Variants in DYRK2 observed in about 807,000 individuals in gnomAD.
DYRK2 encodes the protein dual specificity tyrosine phosphorylation regulated kinase 2.
DYRK2 carries 12 observed loss-of-function variants against 41.6 expected under a neutral mutation model. The observed-to-expected ratio is 0.29, with a 90% CI of 0.18 to 0.47. The LOEUF (loss-of-function observed/expected upper bound fraction) is 0.47, where lower values mean the gene tolerates loss of function less well. Among genes scored for constraint, DYRK2 ranks in the 20% least tolerant of loss-of-function variants. The pLI is 1.00. For missense variants in DYRK2, 678 were observed against 798.4 expected (o/e 0.85, Z 1.82); for synonymous variants, 322 against 315.7 (o/e 1.02, Z -0.21).
At chr12:67,652,244 TTGTG>T (rs981022810) in intron 2 of DYRK2, among the ~76,000 whole-genome samples, 28 of 152,122 alleles carry the variant, frequency 1.8e-4, no homozygotes, top group African/African-American at 6.5e-4. Context: ...TTATTTCTGT[TTGTG>T]TGAGAGAGAG....
In DYRK2 at chr12:67,664,019, CTTT is replaced by C. The variant is rs58402903; in HGVS notation, c.*5313_*5315del. 83,415 of 151,334 alleles carry C rather than the reference CTTT, an allele frequency of 0.55. 23,637 individuals are homozygous for C. Among genetic ancestry groups the C allele is most frequent in the East Asian group, 0.63 (3,256 of 5,140 alleles). 9.4% of individuals were successfully genotyped at this position (151,334 alleles called of 1,614,324 possible). A position where few individuals can be genotyped will look rare whatever the true frequency, so the allele number is the denominator to read the frequency against. On this transcript the variant is annotated 3_prime_UTR_variant, in exon 3 of 3. Transcript: ENST00000344096. ...ATTTGAGGAAGGTATATGTGGCTTT[CTTT>C]TTTTTTCTTAAGTTTGAATTACACT...
At chr12:67,654,417 G>A (rs1872408131) in intron 2 of DYRK2, among the ~76,000 whole-genome samples, 1 of 152,212 alleles carries the variant, frequency 6.6e-6, no homozygotes, top group Non-Finnish European at 1.5e-5. Context: ...GTCTCAGGTT[G>A]AGACTTTTAA....
chr12:67,654,191 C>T (rs1441337609), intron 2 of DYRK2, among the ~76,000 whole-genome samples: 1 of 152,190 alleles, frequency 6.6e-6, no homozygotes, highest in Non-Finnish European at 1.5e-5. Context: ...CCTGACCTCA[C>T]TAAAAGCAGA....
intron 2 of DYRK2, among the ~76,000 whole-genome samples, chr12:67,654,967 C>T (rs1872424456): frequency 2.6e-5 from 4 of 152,072 alleles, no homozygotes; most frequent in Admixed American, 2.6e-4. Context: ...AGATTTGAAC[C>T]CTGGGGAACT....
intron 1 of DYRK2, 196 bp from the exon 2 acceptor site, chr12:67,649,601 C>A: frequency 1.6e-6 from 1 of 630,486 alleles, no homozygotes. Flanking sequence ...CCCCACTTAA[C>A]TTTGCAGCTG....
At chr12:67,651,532 A>C (rs550928958) in intron 2 of DYRK2, 3 of 452,326 alleles carry the variant, frequency 6.6e-6, no homozygotes, top group East Asian at 7.0e-5. Context: ...GAAGGATGCG[A>C]ATGTGCTTCT....
intron 1 of DYRK2, chr12:67,649,560 C>G: frequency 2.3e-6 from 1 of 435,494 alleles, no homozygotes; most frequent in Non-Finnish European, 3.7e-6. Context: ...GGCCCGGCTC[C>G]CCCGCCGGGT....
intron 2 of DYRK2, among the ~76,000 whole-genome samples, chr12:67,655,731 A>G (rs971875033): frequency 6.6e-6 from 1 of 152,252 alleles, no homozygotes; most frequent in African/African-American, 2.4e-5. Flanking sequence ...TGTATCCAAT[A>G]AAGAAAATGT....
chr12:67,649,952 C>T lies in DYRK2; in HGVS notation c.198+7C>T, dbSNP rs1255625534. 4.4e-6 allele frequency: 6 copies of T among 1,348,904 alleles called. No individual in the cohort carries two copies. In the East Asian group the frequency reaches 1.6e-4, roughly 35 times the overall value. The allele number at this position is 1,348,904 out of a possible 1,614,324, so 83.6% of individuals were successfully genotyped here. A position where few individuals can be genotyped will look rare whatever the true frequency, so the allele number is the denominator to read the frequency against. On this transcript the variant is annotated splice_region_variant and intron_variant, in intron 2 of 2. Transcript: ENST00000344096. ...TGCCGCCGCAGCCCACACGGTGAGA[C>T]CCAGCCCGCGGGCGGCCCGGGCGGT...
At chr12:67,654,517 C>G (rs1218930057) in intron 2 of DYRK2, among the ~76,000 whole-genome samples, 1 of 152,038 alleles carries the variant, frequency 6.6e-6, no homozygotes, top group African/African-American at 2.4e-5. Context: ...CTCAGTTGTC[C>G]CAGTGAAAGA....
rs937245875 is a variant in DYRK2 at position 67,660,709 on chromosome 12, A to G, written c.*1996A>G. The G allele has an allele frequency of 1.8e-5, 3 of 167,184 alleles. No individual in the cohort carries two copies. The highest frequency in any genetic ancestry group is 7.2e-5 in the African/African-American group (3 of 41,582). The allele number at this position is 167,184 out of a possible 1,614,324, so 10.4% of individuals were successfully genotyped here. A position where few individuals can be genotyped will look rare whatever the true frequency, so the allele number is the denominator to read the frequency against. On this transcript the variant is annotated 3_prime_UTR_variant, in exon 3 of 3. Transcript: ENST00000344096. ...GCTTATAGAATTTAAAGATCTGTAT[A>G]TTAGATTTTGGCTTAAAGGCATGAG...
At chr12:67,656,938 C>A (rs1872486402) in intron 2 of DYRK2, among the ~76,000 whole-genome samples, 168 bp from the exon 3 acceptor site, 1 of 152,038 alleles carries the variant, frequency 6.6e-6, no homozygotes, top group Non-Finnish European at 1.5e-5. Context: ...TTAGGCATGG[C>A]ATTTATGAGG....
chr12:67,664,264 T>A lies in DYRK2; in HGVS notation c.*5551T>A, dbSNP rs1476660409. 1 of 152,116 alleles carries A rather than the reference T, an allele frequency of 6.6e-6. No homozygotes were observed. The highest frequency in any genetic ancestry group is 6.6e-5 in the Admixed American group (1 of 15,256). The allele number at this position is 152,116 out of a possible 1,614,324, so 9.4% of individuals were successfully genotyped here. The stretch of plus-strand genomic sequence containing the variant: ...CTGCGGTACATTTCATATATATATA[T>A]GGGGTGGGAGCATAATTGCCATTCC... On this transcript the variant is annotated 3_prime_UTR_variant, in exon 3 of 3. Coordinates refer to ENST00000344096, the MANE Select transcript of DYRK2 (RefSeq NM_006482.3).
intron 1 of DYRK2, 199 bp from the exon 2 acceptor site, chr12:67,649,598 T>G: frequency 1.7e-6 from 1 of 604,978 alleles, no homozygotes; most frequent in Non-Finnish European, 2.4e-6. Context: ...GGGCCCCACT[T>G]AACTTTGCAG....
In DYRK2 at chr12:67,648,977, C is replaced by T. The variant is rs1872216567; in HGVS notation, c.-157C>T. ...GCCCCGGCCGAGGGGATGCAGTGGA[C>T]TGTGTGTGTCTGGCTGTAGCAGACG... is the stretch of plus-strand genomic sequence containing the variant. On this transcript the variant is annotated 5_prime_UTR_variant, in exon 1 of 3. Transcript: ENST00000344096. 2.0e-6 allele frequency: 1 copy of T among 502,400 alleles called. No homozygotes were observed. The highest frequency in any genetic ancestry group is 3.3e-6 in the Non-Finnish European group (1 of 306,240). The allele number at this position is 502,400 out of a possible 1,614,324, so 31.1% of individuals were successfully genotyped here. A position where few individuals can be genotyped will look rare whatever the true frequency, so the allele number is the denominator to read the frequency against.
chr12:67,657,519 T>C lies in DYRK2; in HGVS notation c.612T>C (p.Asp204=). 1 of 1,614,030 alleles carries C rather than the reference T, an allele frequency of 6.2e-7. No homozygotes were observed. The highest frequency in any genetic ancestry group is 8.5e-7 in the Non-Finnish European group (1 of 1,179,952). ...MTGGPNNGGY[D]DDQGSYVQVP... Reference sequence around the variant, plus strand: ...GTGGGCCCAACAATGGTGGCTATGATGATGACCAGGGATCATATGTGCAGG... The same window carrying C: ...GTGGGCCCAACAATGGTGGCTATGACGATGACCAGGGATCATATGTGCAGG... Residue 204 remains aspartate (D), a synonymous_variant, in exon 3 of 3, where the codon GAT becomes GAC. Coordinates refer to ENST00000344096, the MANE Select transcript of DYRK2 (RefSeq NM_006482.3). This position sits in a 1 kb window ranked among gnomAD's most constrained non-coding sequence, Gnocchi z 4.8.
At position 67,657,424 on chromosome 12, in the gene DYRK2, C is replaced by T; in HGVS notation, c.517C>T (p.His173Tyr). The T allele has an allele frequency of 6.2e-7, 1 of 1,614,148 alleles. No homozygotes were observed. The highest frequency in any genetic ancestry group is 8.5e-7 in the Non-Finnish European group (1 of 1,180,026). Residue 173 changes from histidine to tyrosine, a missense_variant, in exon 3 of 3, where the codon CAT (histidine) becomes TAT (tyrosine). By Grantham distance (83) the His-to-Tyr change is moderately conservative. Coordinates refer to ENST00000344096, the MANE Select transcript of DYRK2 (RefSeq NM_006482.3). The surrounding 1 kb of genome is among the most constrained non-coding windows in gnomAD (Gnocchi z 4.8). ...YMQKLTAFEHHEIFSYPEIYF... is the reference protein window; with the variant it reads ...YMQKLTAFEHYEIFSYPEIYF... The stretch of plus-strand genomic sequence containing the variant: ...GCAAAAACTCACAGCCTTCGAACAC[C>T]ATGAGATTTTCAGCTACCCTGAAAT...
At position 67,657,940 on chromosome 12, in the gene DYRK2, A is replaced by AT; in HGVS notation, c.1035dup (p.His346SerfsTer3). The AT allele has an allele frequency of 6.2e-7, 1 of 1,614,238 alleles. No homozygotes were observed. Among genetic ancestry groups the AT allele is most frequent in the Non-Finnish European group, 8.5e-7 (1 of 1,180,050 alleles). On this transcript the variant is annotated frameshift_variant, in exon 3 of 3. Coordinates refer to ENST00000344096, the MANE Select transcript of DYRK2 (RefSeq NM_006482.3). LOFTEE classifies it high-confidence loss of function. The surrounding 1 kb of genome is among the most constrained non-coding windows in gnomAD (Gnocchi z 4.8). ...GGATGCTTTGCACAAAAACAGAATA[A>AT]TTCACTGTGACCTTAAGCCCGAGAA... is the stretch of plus-strand genomic sequence containing the variant.
rs1365732075 is a variant in DYRK2, at chr12:67,658,415, GTGA to G, written c.1513_1515del (p.Asp505del). The G allele has an allele frequency of 6.3e-7, 1 of 1,595,218 alleles. No individual in the cohort carries two copies. Among genetic ancestry groups the G allele is most frequent in the Non-Finnish European group, 8.5e-7 (1 of 1,171,196 alleles). ...GAGTGGGGGAACGCGCTGAAGGGGT[GTGA>G]TGATCCCCTTTTCCTTGACTTCTTA... On this transcript the variant is annotated inframe_deletion, in exon 3 of 3. Coordinates refer to ENST00000344096, the MANE Select transcript of DYRK2 (RefSeq NM_006482.3). This position sits in a 1 kb window ranked among gnomAD's most constrained non-coding sequence, Gnocchi z 4.3.
Sources: gnomAD v4.1 joint callset for allele counts (sites outside exome capture counted in the v4.1 genomes callset) on GRCh38, gnomAD v4.1.1 for gene constraint, Gnocchi (gnomAD v3.1) non-coding constraint, MANE v1.5 for transcripts, NCBI Gene and HGNC (gene_info 2026-07-23, HGNC 2026-07-21) for gene names.